The following SDK1 variants were observed in gnomAD, a reference collection of about 807,000 sequenced individuals.
The protein encoded by SDK1 is protein sidekick-1.
A neutral mutation model predicts 245.5 loss-of-function variants in SDK1; 157 were observed. That is an observed-to-expected ratio of 0.64 (90% CI 0.56 to 0.73). SDK1 has a LOEUF of 0.73. Ranked by LOEUF, SDK1 falls within the 30% of genes least tolerant of loss-of-function variation. The probability of loss-of-function intolerance (pLI) is 0.00; values close to 1 mark genes in which losing one functional copy is unlikely to be tolerated. For missense variants in SDK1, 3,583 were observed against 3,002.3 expected, an observed-to-expected ratio of 1.19 and a Z score of -4.52; for synonymous variants, 1,647 against 1,278.5, an observed-to-expected ratio of 1.29 and a Z score of -6.15.
chr7:3,571,619 G>C (rs916932369), intron 1 of SDK1, among the ~76,000 whole-genome samples: 7 of 151,984 alleles, frequency 4.6e-5, no homozygotes, highest in Non-Finnish European at 1.5e-5. Flanking sequence ...GCAGCCTTTT[G>C]TTTTACAGTT....
chr7:4,036,383 T>A (rs1408853790), intron 17 of SDK1, among the ~76,000 whole-genome samples: 1 of 152,234 alleles, frequency 6.6e-6, no homozygotes, highest in Non-Finnish European at 1.5e-5. Flanking sequence ...GTTTTTAATA[T>A]CAGGTATTTC....
intron 2 of SDK1, among the ~76,000 whole-genome samples, chr7:3,633,072 C>T (rs948778721): frequency 6.6e-6 from 1 of 151,976 alleles, no homozygotes; most frequent in African/African-American, 2.4e-5. Flanking sequence ...TACCTTAACC[C>T]ATATTTTTTT....
At chr7:3,421,484 T>C (rs1488304563) in intron 1 of SDK1, among the ~76,000 whole-genome samples, 1 of 152,226 alleles carries the variant, frequency 6.6e-6, no homozygotes, top group Non-Finnish European at 1.5e-5. Flanking sequence ...TAATTTTTGC[T>C]ACTTGCTGAT....
At chr7:4,152,407 G>C (rs564125667) in intron 30 of SDK1, among the ~76,000 whole-genome samples, 4 of 152,294 alleles carry the variant, frequency 2.6e-5, no homozygotes, top group Admixed American at 2.0e-4. Flanking sequence ...AAAGTACACA[G>C]GATGCTTAGC....
intron 43 of SDK1, among the ~76,000 whole-genome samples, chr7:4,243,643 C>A (rs1786663921): frequency 6.6e-6 from 1 of 152,086 alleles, no homozygotes; most frequent in East Asian, 1.9e-4. Context: ...TATTCACTCT[C>A]ACGAGAACAG....
intron 4 of SDK1, among the ~76,000 whole-genome samples, chr7:3,720,303 A>G (rs1291363842): frequency 6.6e-6 from 1 of 151,960 alleles, no homozygotes; most frequent in East Asian, 1.9e-4. Flanking sequence ...GCAGACATGG[A>G]AAAAAAATTT....
At chr7:3,801,290 A>G (rs543047827) in intron 4 of SDK1, among the ~76,000 whole-genome samples, 1 of 152,302 alleles carries the variant, frequency 6.6e-6, no homozygotes, top group African/African-American at 2.4e-5. Flanking sequence ...AACTTTTCTA[A>G]TATGTCTTCA....
chr7:3,451,479 C>T (rs915323816), intron 1 of SDK1, among the ~76,000 whole-genome samples: 7 of 152,072 alleles, frequency 4.6e-5, no homozygotes, highest in African/African-American at 7.2e-5. Flanking sequence ...AAGGGAGCTG[C>T]CTTGCACTGA....
intron 22 of SDK1, among the ~76,000 whole-genome samples, chr7:4,097,613 A>C (rs1328044897): frequency 6.6e-6 from 1 of 152,098 alleles, no homozygotes; most frequent in Non-Finnish European, 1.5e-5. Flanking sequence ...TGTAGGGAGA[A>C]ATTCTAGTGT....
intron 1 of SDK1, among the ~76,000 whole-genome samples, chr7:3,607,274 A>C (rs1207826302): frequency 6.6e-6 from 1 of 152,196 alleles, no homozygotes; most frequent in Non-Finnish European, 1.5e-5. Flanking sequence ...TTAGATCCTT[A>C]ATATTCCAGG....
chr7:3,806,265 G>A (rs1208318010), intron 4 of SDK1, among the ~76,000 whole-genome samples: 3 of 148,198 alleles, frequency 2.0e-5, no homozygotes, highest in African/African-American at 7.4e-5. Context: ...TTTCCCATGT[G>A]AGGTAACGTA....
rs188148454 is a variant in SDK1, at chr7:3,389,190, G to A, written c.298+87306G>A. ...GGCTAAATAATGTTACCCCAATGAT[G>A]TCCAGGTTCTAATTCCTAGAACCAG... is the stretch of plus-strand genomic sequence containing the variant. On this transcript the variant is annotated intron_variant, in intron 1 of 44. Transcript: ENST00000404826. Among the ~76,000 whole-genome samples, 151 of 152,250 alleles carry A rather than the reference G, an allele frequency of 9.9e-4. 1 individual carries two copies. The highest frequency in any genetic ancestry group is 1.4e-3 in the Non-Finnish European group (95 of 68,022).
chr7:3,750,635 A>C (rs1159304160), intron 4 of SDK1, among the ~76,000 whole-genome samples: 9 of 152,196 alleles, frequency 5.9e-5, no homozygotes. Context: ...GAGCAAGAGG[A>C]AGCATCAGCG....
chr7:3,616,039 C>T (rs901266885), intron 1 of SDK1, among the ~76,000 whole-genome samples: 1 of 152,076 alleles, frequency 6.6e-6, no homozygotes, highest in Non-Finnish European at 1.5e-5. Context: ...TGTATATCAC[C>T]ACACTGGCTA....
At chr7:3,806,993 T>G (rs1202001143) in intron 4 of SDK1, among the ~76,000 whole-genome samples, 3 of 152,152 alleles carry the variant, frequency 2.0e-5, no homozygotes, top group Admixed American at 2.0e-4. Flanking sequence ...CCTTTTTGAG[T>G]TATCGATAGC....
chr7:3,400,380 G>A (rs144919102), intron 1 of SDK1, among the ~76,000 whole-genome samples: 41 of 152,094 alleles, frequency 2.7e-4, no homozygotes, highest in South Asian at 1.0e-3. Flanking sequence ...GCATGGGAGC[G>A]TTTCCACAGA....
At chr7:3,341,810 T>C (rs1332292068) in intron 1 of SDK1, among the ~76,000 whole-genome samples, 2 of 152,204 alleles carry the variant, frequency 1.3e-5, no homozygotes, top group Non-Finnish European at 2.9e-5. Context: ...CAAACCATAT[T>C]GACATACTGG....
At chr7:3,895,010 C>A (rs10260208) in intron 5 of SDK1, among the ~76,000 whole-genome samples, 1,638 of 152,188 alleles carry the variant, frequency 0.011, 23 homozygotes, top group South Asian at 0.035. Flanking sequence ...TCTTGATTAC[C>A]AGCGTGTCTC....
rs892850599 is a variant in SDK1, at chr7:3,844,244, T to A, written c.847+22661T>A. Among the ~76,000 whole-genome samples, 5 of 152,306 alleles carry A rather than the reference T, an allele frequency of 3.3e-5. No individual in the cohort carries two copies. In the South Asian group the frequency reaches 8.3e-4, roughly 25 times the overall value. ...CCTCAGCCTCCCAAAATGCTGGGAT[T>A]ACAGGCCATGAGCCACCGCCCCTGG... is the stretch of plus-strand genomic sequence containing the variant. On this transcript the variant is annotated intron_variant, in intron 5 of 44. Coordinates refer to ENST00000404826, the MANE Select transcript of SDK1 (RefSeq NM_152744.4).
Sources: allele counts gnomAD v4.1 joint callset (sites outside exome capture counted in the v4.1 genomes callset), GRCh38; gene constraint gnomAD v4.1.1; transcripts MANE v1.5; gene names NCBI Gene and HGNC (gene_info 2026-07-23, HGNC 2026-07-21).